The following WDR70 variants were observed in gnomAD, a reference collection of about 807,000 sequenced individuals.
WDR70 encodes WD repeat domain 70.
A neutral mutation model predicts 88.6 loss-of-function variants in WDR70; 53 were observed. The observed-to-expected ratio is 0.60, with a 90% confidence interval of 0.48 to 0.75. WDR70 has a LOEUF of 0.75. WDR70 is among the 30% of genes least tolerant of loss of function. The pLI is 0.00. For synonymous variants in WDR70, 280 were observed against 270.0 expected (o/e 1.04, Z -0.36); for missense variants, 610 against 823.2 (o/e 0.74, Z 3.17).
intron 5 of WDR70, among the ~76,000 whole-genome samples, chr5:37,415,667 C>T (rs1053073878): frequency 1.3e-5 from 2 of 150,760 alleles, no homozygotes; most frequent in African/African-American, 4.9e-5. Flanking sequence ...GGGGGCTGAC[C>T]CCCCCACCTC....
chr5:37,649,446 G>A (rs924387292), intron 10 of WDR70, among the ~76,000 whole-genome samples: 6 of 149,308 alleles, frequency 4.0e-5, no homozygotes, highest in Non-Finnish European at 8.9e-5. Flanking sequence ...ATTTGGTGAG[G>A]CATACAAGAT....
At chr5:37,670,064 C>CT (rs1480718496) in intron 10 of WDR70, among the ~76,000 whole-genome samples, 1 of 152,008 alleles carries the variant, frequency 6.6e-6, no homozygotes, top group African/African-American at 2.4e-5. Flanking sequence ...ATGGGGTTTC[C>CT]TTTTGGGGTA....
At chr5:37,658,930 T>A (rs1745627653) in intron 10 of WDR70, among the ~76,000 whole-genome samples, 1 of 152,166 alleles carries the variant, frequency 6.6e-6, no homozygotes, top group Non-Finnish European at 1.5e-5. Context: ...GAAGACCATT[T>A]AATTAAAGGG....
intron 9 of WDR70, among the ~76,000 whole-genome samples, chr5:37,550,321 T>C (rs1034760984): frequency 6.6e-6 from 1 of 152,238 alleles, no homozygotes; most frequent in African/African-American, 2.4e-5. Flanking sequence ...TTTTACTTCA[T>C]TGTGGGCAGA....
intron 8 of WDR70, among the ~76,000 whole-genome samples, chr5:37,483,535 T>A (rs186671211): frequency 0.015 from 2,341 of 152,344 alleles, 52 homozygotes; most frequent in African/African-American, 0.053. Flanking sequence ...CTGATTTCTC[T>A]ATCTTTCCCC....
intron 3 of WDR70, among the ~76,000 whole-genome samples, chr5:37,384,253 C>A (rs1748532992): frequency 6.7e-6 from 1 of 149,484 alleles, no homozygotes; most frequent in Non-Finnish European, 1.5e-5. Context: ...ATGACCTTGC[C>A]TCACTGCAGA....
chr5:37,432,178 A>AC (rs1385386599), intron 5 of WDR70, among the ~76,000 whole-genome samples: 3 of 151,440 alleles, frequency 2.0e-5, no homozygotes, highest in Non-Finnish European at 4.4e-5. Context: ...CCAACATTGC[A>AC]CAAGGATTCC....
In WDR70 at chr5:37,491,007, G is replaced by C. The variant is rs576339043; in HGVS notation, c.840+11020G>C. Among the ~76,000 whole-genome samples the C allele has an allele frequency of 7.2e-5, 11 of 152,248 alleles. No homozygotes were observed. The South Asian group carries it at 2.3e-3, about 32-fold the overall frequency. On this transcript the variant is annotated intron_variant, in intron 8 of 17. Coordinates refer to ENST00000265107, the MANE Select transcript of WDR70 (RefSeq NM_018034.4). Reference sequence around the variant, plus strand: ...GCTCTCAAATTCGTGCCATGCTGCAGGTGCTTGGGTTTCCAGGTGTGCGTG... The same window carrying C: ...GCTCTCAAATTCGTGCCATGCTGCACGTGCTTGGGTTTCCAGGTGTGCGTG...
chr5:37,634,082 G>A (rs1386881725), intron 10 of WDR70, among the ~76,000 whole-genome samples: 4 of 151,874 alleles, frequency 2.6e-5, no homozygotes, highest in East Asian at 1.9e-4. Context: ...AGCGCATCAC[G>A]AGGTCAGGAG....
intron 9 of WDR70, among the ~76,000 whole-genome samples, chr5:37,527,985 GC>G (rs1741351832): frequency 6.6e-6 from 1 of 152,164 alleles, no homozygotes; most frequent in African/African-American, 2.4e-5. Context: ...AACAATGGGT[GC>G]TGGAGAGGAT....
chr5:37,628,535 T>G (rs1744732056), intron 10 of WDR70, among the ~76,000 whole-genome samples: 1 of 152,256 alleles, frequency 6.6e-6, no homozygotes, highest in Admixed American at 6.5e-5. Context: ...TAGCTACTCC[T>G]GCTCACTTGA....
chr5:37,736,966 G>A (rs1420199871), intron 17 of WDR70, among the ~76,000 whole-genome samples: 1 of 151,978 alleles, frequency 6.6e-6, no homozygotes, highest in Non-Finnish European at 1.5e-5. Flanking sequence ...TCATAGTGAA[G>A]AAATATTATT....
At chr5:37,487,981 C>T (rs963418352) in intron 8 of WDR70, among the ~76,000 whole-genome samples, 3 of 151,914 alleles carry the variant, frequency 2.0e-5, no homozygotes, top group African/African-American at 7.3e-5. Flanking sequence ...TTCTTGTAGG[C>T]CTGGCCTAGT....
rs1243419421 is a variant in WDR70, at chr5:37,489,173, AGTG to A, written c.840+9191_840+9193del. Among the ~76,000 whole-genome samples, 8 of 152,328 alleles carry A rather than the reference AGTG, an allele frequency of 5.3e-5. No homozygotes were observed. The East Asian group carries it at 1.5e-3, about 29-fold the overall frequency. On this transcript the variant is annotated intron_variant, in intron 8 of 17. Coordinates refer to ENST00000265107, the MANE Select transcript of WDR70 (RefSeq NM_018034.4). ...CCAGGTGGGCCAGTCTTCTGGCCCC[AGTG>A]GTGGCAATGTTGGGCTGAATGTCCC... is the stretch of plus-strand genomic sequence containing the variant.
At chr5:37,666,003 G>A (rs894171016) in intron 10 of WDR70, among the ~76,000 whole-genome samples, 1 of 152,130 alleles carries the variant, frequency 6.6e-6, no homozygotes, top group African/African-American at 2.4e-5. Flanking sequence ...GGCTAAATCT[G>A]CCCAGCTGCC....
At chr5:37,690,023 T>C (rs1293480893) in intron 10 of WDR70, among the ~76,000 whole-genome samples, 1 of 152,114 alleles carries the variant, frequency 6.6e-6, no homozygotes, top group Non-Finnish European at 1.5e-5. Flanking sequence ...TTAAATGACG[T>C]GATGGAGCTG....
At position 37,408,460 on chromosome 5, in the gene WDR70, C is replaced by T. The variant is rs149260511; in HGVS notation, c.492+11890C>T. ...CTGCACTCCAGCTTGGGAGACAGAGCGAGACACTTGGCTCAAAAAATTGAA... is the reference window on the plus strand; with the variant it reads ...CTGCACTCCAGCTTGGGAGACAGAGTGAGACACTTGGCTCAAAAAATTGAA... On this transcript the variant is annotated intron_variant, in intron 5 of 17. Transcript: ENST00000265107. Among the ~76,000 whole-genome samples the T allele has an allele frequency of 2.5e-3, 375 of 151,896 alleles. 3 individuals carry two copies. Among genetic ancestry groups the T allele is most frequent in the Non-Finnish European group, 2.0e-3 (139 of 67,952 alleles).
chr5:37,606,455 A>G (rs1744033976), intron 10 of WDR70, among the ~76,000 whole-genome samples: 1 of 152,216 alleles, frequency 6.6e-6, no homozygotes, highest in African/African-American at 2.4e-5. Flanking sequence ...AAATTATAAA[A>G]CATGCAGTTT....
At chr5:37,551,456 A>C (rs1212788790) in intron 9 of WDR70, among the ~76,000 whole-genome samples, 1 of 151,734 alleles carries the variant, frequency 6.6e-6, no homozygotes, top group Non-Finnish European at 1.5e-5. Flanking sequence ...TTAGCTGGGC[A>C]TGGTGGCTCA....
Sources: gnomAD v4.1 joint callset for allele counts (sites outside exome capture counted in the v4.1 genomes callset) on GRCh38, gnomAD v4.1.1 for gene constraint, MANE v1.5 for transcripts, NCBI Gene and HGNC (gene_info 2026-07-23, HGNC 2026-07-21) for gene names.